SDR16C5: variants seen among roughly 807,000 people sequenced by gnomAD.
SDR16C5 encodes epidermal retinol dehydrogenase 2.
In SDR16C5, 20 loss-of-function variants were observed where a neutral mutation model predicts 27.7. The observed-to-expected ratio is 0.72, with a 90% CI of 0.51 to 1.05. SDR16C5 has a LOEUF of 1.05. Ranked by LOEUF, SDR16C5 falls within the 50% of genes least tolerant of loss-of-function variation. The pLI, the probability that SDR16C5 is intolerant of heterozygous loss-of-function variation, is 0.00. For missense variants in SDR16C5, 374 were observed against 366.3 expected, an observed-to-expected ratio of 1.02 and a Z score of -0.17; for synonymous variants, 139 against 132.3, an observed-to-expected ratio of 1.05 and a Z score of -0.35.
chr8:56,306,697 A>G lies in SDR16C5; in HGVS notation c.689T>C (p.Met230Thr), dbSNP rs1563439301. Reference protein sequence around the residue: ...IVCPFFIKTGMFEGCTTGCPS... With the variant: ...IVCPFFIKTGTFEGCTTGCPS... ...TTACCCTGTAGTACAACCTTCAAAC[A>G]TTCCAGTTTTTATAAAAAAGGGGCA... The change falls in exon 5 of 7, where the codon ATG (methionine) becomes ACG (threonine). Residue 230 changes from methionine (M) to threonine (T), a missense_variant. Met to Thr is a moderately conservative substitution (Grantham distance 81). Coordinates refer to ENST00000303749, the MANE Select transcript of SDR16C5 (RefSeq NM_138969.4). 6 of 1,613,172 alleles carry G rather than the reference A, an allele frequency of 3.7e-6. No individual in the cohort carries two copies. In the East Asian group the frequency reaches 1.1e-4, roughly 30 times the overall value.
At chr8:56,310,788 C>T (rs1300905908) in intron 3 of SDR16C5, among the ~76,000 whole-genome samples, 2 of 151,320 alleles carry the variant, frequency 1.3e-5, no homozygotes, top group African/African-American at 4.9e-5. Flanking sequence ...TCTTTATCTT[C>T]ATTCTGACTA....
rs1033807731 is a variant in SDR16C5, at chr8:56,309,637, C to T, written c.466-610G>A. The T allele has an allele frequency of 3.1e-6, 3 of 961,214 alleles. No homozygotes were observed. In the African/African-American group the frequency reaches 5.3e-5, roughly 17 times the overall value. 59.5% of individuals were successfully genotyped at this position (961,214 alleles called of 1,614,324 possible). ...AATGAGCTTTTAAGGAAGACATCTT[C>T]TGCATCAAAGGAGTAACTAATCACA... On this transcript the variant is annotated intron_variant, in intron 3 of 6. Coordinates refer to ENST00000303749, the MANE Select transcript of SDR16C5 (RefSeq NM_138969.4).
chr8:56,316,053 A>T lies in SDR16C5; in HGVS notation c.295T>A (p.Cys99Ser). The change falls in exon 2 of 7, where the codon TGC becomes AGC. Residue 99 changes from cysteine to serine, a missense_variant. Physicochemically the swap from Cys to Ser is moderately radical, Grantham distance 112. Transcript: ENST00000303749. Reference protein sequence around the residue: ...ATRVHAYTCDCSQKEGVYRVA... With the variant: ...ATRVHAYTCDSSQKEGVYRVA... ...CTATACACTCCTTCCTTTTGGCTGC[A>T]ATCGCAGGTATAGGCGTGCACTCTT... 1 of 1,614,140 alleles carries T rather than the reference A, an allele frequency of 6.2e-7. No individual in the cohort carries two copies. Among genetic ancestry groups the T allele is most frequent in the Non-Finnish European group, 8.5e-7 (1 of 1,179,976 alleles).
intron 2 of SDR16C5, among the ~76,000 whole-genome samples, chr8:56,314,547 T>TC (rs1815139013): frequency 6.6e-6 from 1 of 152,230 alleles, no homozygotes; most frequent in Admixed American, 6.5e-5. Flanking sequence ...TAAATTGTAG[T>TC]CAGTGTAAGT....
chr8:56,312,082 G>A (rs961735463), intron 3 of SDR16C5, 75 bp downstream of exon 3: 1 of 1,313,212 alleles, frequency 7.6e-7, no homozygotes, highest in African/African-American at 1.5e-5. Flanking sequence ...TAATAATATT[G>A]TAAAAGAGCA....
chr8:56,314,017 G>A (rs879907904), intron 2 of SDR16C5, among the ~76,000 whole-genome samples: 2 of 152,112 alleles, frequency 1.3e-5, no homozygotes, highest in Admixed American at 1.3e-4. Flanking sequence ...GACCATCCTG[G>A]CCAACATGGT....
chr8:56,316,988 A>G (rs912225767), intron 1 of SDR16C5, among the ~76,000 whole-genome samples: 1 of 152,122 alleles, frequency 6.6e-6, no homozygotes, highest in Non-Finnish European at 1.5e-5. Context: ...CTAGGCTCTG[A>G]GGTCCCCGCA....
At chr8:56,301,812 C>T (rs570702270) in intron 6 of SDR16C5, among the ~76,000 whole-genome samples, 3 of 152,298 alleles carry the variant, frequency 2.0e-5, no homozygotes, top group South Asian at 2.1e-4. Flanking sequence ...CTTCTCATTT[C>T]GGTTTCCAAA....
At chr8:56,318,593 C>T (rs1182671053) in intron 1 of SDR16C5, among the ~76,000 whole-genome samples, 2 of 152,184 alleles carry the variant, frequency 1.3e-5, no homozygotes, top group East Asian at 1.9e-4. Flanking sequence ...TGTGAATTCA[C>T]ATAGAGGGAC....
intron 4 of SDR16C5, among the ~76,000 whole-genome samples, chr8:56,308,604 T>A (rs1452878334): frequency 1.3e-5 from 2 of 152,230 alleles, no homozygotes; most frequent in Non-Finnish European, 2.9e-5. Flanking sequence ...CCTTACCATC[T>A]GTGACAGTGT....
chr8:56,319,124 GAAAA>G (rs11372550), intron 1 of SDR16C5, among the ~76,000 whole-genome samples: 1 of 134,874 alleles, frequency 7.4e-6, no homozygotes. Context: ...GAACAAATTA[GAAAA>G]AAAAAAAAAA....
intron 2 of SDR16C5, 94 bp from the exon 3 acceptor site, chr8:56,312,382 T>A: frequency 8.7e-7 from 1 of 1,148,570 alleles, no homozygotes; most frequent in Non-Finnish European, 1.3e-6. Flanking sequence ...TTATCCTGGT[T>A]AATTCATACT....
chr8:56,310,134 G>C (rs867218962), intron 3 of SDR16C5, among the ~76,000 whole-genome samples: 1 of 45,766 alleles, frequency 2.2e-5, no homozygotes, highest in Admixed American at 2.5e-4. Flanking sequence ...AGGAGGAGGA[G>C]GGAGGAGGAG....
chr8:56,304,665 G>C (rs1585908027), intron 6 of SDR16C5, among the ~76,000 whole-genome samples: 1 of 151,534 alleles, frequency 6.6e-6, no homozygotes, highest in Admixed American at 6.6e-5. Context: ...CAGCCTCCTG[G>C]GTAGCTGGGA....
chr8:56,317,219 G>A (rs1815222093), intron 1 of SDR16C5, among the ~76,000 whole-genome samples: 1 of 152,000 alleles, frequency 6.6e-6, no homozygotes, highest in South Asian at 2.1e-4. Context: ...ACAATGCCTG[G>A]CTTATAGTCA....
intron 2 of SDR16C5, 45 bp from the exon 3 acceptor site, chr8:56,312,333 A>G (rs373946773): frequency 1.3e-6 from 2 of 1,558,568 alleles, no homozygotes; most frequent in Non-Finnish European, 1.8e-6. Context: ...AATTCCTTAC[A>G]TGGGCTAGGT....
chr8:56,313,399 A>G (rs1815098114), intron 2 of SDR16C5, among the ~76,000 whole-genome samples: 1 of 152,178 alleles, frequency 6.6e-6, no homozygotes, highest in Non-Finnish European at 1.5e-5. Flanking sequence ...TTGTTAGGTG[A>G]CTTGGTTGCT....
At chr8:56,306,610 G>C in intron 5 of SDR16C5, 66 bp downstream of exon 5, 4 of 1,385,340 alleles carry the variant, frequency 2.9e-6, no homozygotes, top group Non-Finnish European at 3.9e-6. Flanking sequence ...TTAAAAAAAA[G>C]AACAAAATAA....
At chr8:56,305,893 G>C (rs977613200) in intron 5 of SDR16C5, among the ~76,000 whole-genome samples, 171 bp from the exon 6 acceptor site, 21 of 152,106 alleles carry the variant, frequency 1.4e-4, no homozygotes, top group Admixed American at 2.6e-4. Context: ...TGTCAATGCA[G>C]TAAGTAGTAA....
Sources: gnomAD v4.1 joint callset for allele counts (sites outside exome capture counted in the v4.1 genomes callset) on GRCh38, gnomAD v4.1.1 for gene constraint, MANE v1.5 for transcripts, NCBI Gene and HGNC (gene_info 2026-07-23, HGNC 2026-07-21) for gene names.